Variants in FAM163A observed in about 807,000 individuals in gnomAD.
FAM163A encodes protein FAM163A.
Under a neutral mutation model 12.0 loss-of-function variants are expected in FAM163A, and 7 were observed. The observed-to-expected ratio is 0.58, with a 90% CI of 0.33 to 1.10. The LOEUF (loss-of-function observed/expected upper bound fraction) is 1.10, where lower values mean the gene tolerates loss of function less well. Ranked by LOEUF, FAM163A falls within the 50% of genes least tolerant of loss-of-function variation. The probability of loss-of-function intolerance (pLI) is 0.03; values close to 1 mark genes in which losing one functional copy is unlikely to be tolerated. For synonymous variants in FAM163A, 101 were observed against 91.0 expected, an observed-to-expected ratio of 1.11 and a Z score of -0.62; for missense variants, 202 against 218.6, an observed-to-expected ratio of 0.92 and a Z score of 0.48.
intron 1 of FAM163A, among the ~76,000 whole-genome samples, chr1:179,771,387 T>C (rs1273926851): frequency 6.6e-6 from 1 of 152,214 alleles, no homozygotes; most frequent in African/African-American, 2.4e-5. Context: ...TGAGGCGCCC[T>C]GTGAGAGCTG....
intron 1 of FAM163A, among the ~76,000 whole-genome samples, chr1:179,801,265 G>A (rs936214379): frequency 5.3e-5 from 8 of 151,938 alleles, no homozygotes; most frequent in Non-Finnish European, 8.8e-5. Flanking sequence ...ATTTTTAACT[G>A]GCAGGGAGAC....
At chr1:179,808,677 G>A (rs985959779) in intron 2 of FAM163A, among the ~76,000 whole-genome samples, 6 of 152,280 alleles carry the variant, frequency 3.9e-5, no homozygotes, top group Non-Finnish European at 7.4e-5. Context: ...TGCTGTTTTC[G>A]ATTGGTTAAA....
chr1:179,794,084 T>TG (rs2148269140), intron 1 of FAM163A, among the ~76,000 whole-genome samples: 1 of 152,320 alleles, frequency 6.6e-6, no homozygotes, highest in African/African-American at 2.4e-5. Context: ...GGCCAGGACT[T>TG]GCACAGGGCA....
At chr1:179,736,220 A>G in the FAM163A span, among the ~76,000 whole-genome samples, 1 of 152,204 alleles carries the variant, frequency 6.6e-6, no homozygotes, top group African/African-American at 2.4e-5. Context: ...CAGCGAAGAA[A>G]ACAATCAGTG....
At chr1:179,753,473 A>G (rs1429993291) in intron 1 of FAM163A, among the ~76,000 whole-genome samples, 1 of 152,214 alleles carries the variant, frequency 6.6e-6, no homozygotes, top group Non-Finnish European at 1.5e-5. Flanking sequence ...AAGCCAATGG[A>G]AAGGGCACAG....
At chr1:179,762,975 AT>A (rs1299475025) in intron 1 of FAM163A, among the ~76,000 whole-genome samples, 1 of 152,194 alleles carries the variant, frequency 6.6e-6, no homozygotes, top group African/African-American at 2.4e-5. Context: ...ACAAATAGAA[AT>A]TTGTCAACAT....
intron 2 of FAM163A, among the ~76,000 whole-genome samples, chr1:179,808,878 A>G (rs940900788): frequency 6.6e-6 from 1 of 152,164 alleles, no homozygotes; most frequent in Non-Finnish European, 1.5e-5. Flanking sequence ...AGTTGCAAAG[A>G]GACAATGAGC....
At chr1:179,760,397 A>G (rs1187605098) in intron 1 of FAM163A, among the ~76,000 whole-genome samples, 3 of 152,218 alleles carry the variant, frequency 2.0e-5, no homozygotes, top group Non-Finnish European at 4.4e-5. Flanking sequence ...CCGTGATTCT[A>G]TACGCATGAG....
intron 1 of FAM163A, among the ~76,000 whole-genome samples, chr1:179,803,156 ACTT>A (rs1037758930): frequency 3.3e-5 from 5 of 152,260 alleles, no homozygotes; most frequent in South Asian, 2.1e-4. Context: ...AGGGAAAAAA[ACTT>A]CTTCTCTGGG....
the FAM163A span, among the ~76,000 whole-genome samples, chr1:179,734,859 G>A: frequency 6.6e-6 from 1 of 152,164 alleles, no homozygotes; most frequent in Non-Finnish European, 1.5e-5. Context: ...AAATACATTG[G>A]AAGAAAGGAC....
intron 1 of FAM163A, among the ~76,000 whole-genome samples, chr1:179,744,897 T>G (rs2454195): frequency 0.62 from 94,195 of 152,128 alleles, 30,034 homozygotes; most frequent in African/African-American, 0.77. Context: ...AACTGCGGGC[T>G]TCAATCCCGC....
chr1:179,751,972 A>G (rs1442202760), intron 1 of FAM163A, among the ~76,000 whole-genome samples: 1 of 152,230 alleles, frequency 6.6e-6, no homozygotes, highest in Non-Finnish European at 1.5e-5. Flanking sequence ...TTCATATGGA[A>G]CCACAAAAGA....
intron 1 of FAM163A, among the ~76,000 whole-genome samples, chr1:179,782,939 A>G (rs1689998808): frequency 6.6e-6 from 1 of 152,074 alleles, no homozygotes; most frequent in African/African-American, 2.4e-5. Context: ...ATCCCAAACC[A>G]CTTGGATGGT....
the FAM163A span, among the ~76,000 whole-genome samples, chr1:179,730,906 G>A: frequency 2.0e-5 from 3 of 152,302 alleles, no homozygotes; most frequent in Admixed American, 1.3e-4. Flanking sequence ...ATTCTATCTG[G>A]TGCCCACAGC....
upstream of FAM163A, among the ~76,000 whole-genome samples, chr1:179,739,052 A>G (rs533384815): frequency 4.6e-5 from 7 of 152,284 alleles, no homozygotes; most frequent in East Asian, 5.8e-4. Flanking sequence ...AAAGGTGCAA[A>G]AGCAATTAAA....
At chr1:179,734,185 C>A in the FAM163A span, among the ~76,000 whole-genome samples, 1 of 152,122 alleles carries the variant, frequency 6.6e-6, no homozygotes, top group Non-Finnish European at 1.5e-5. Flanking sequence ...CTCAACAGAT[C>A]TTTTTTAAAC....
chr1:179,741,442 C>T (rs1683626783), upstream of FAM163A, among the ~76,000 whole-genome samples: 1 of 152,210 alleles, frequency 6.6e-6, no homozygotes, highest in Admixed American at 6.5e-5. Context: ...GGTATACATC[C>T]TAAAGATTGC....
intron 1 of FAM163A, among the ~76,000 whole-genome samples, chr1:179,764,404 A>G (rs1446475723): frequency 5.3e-5 from 8 of 152,178 alleles, no homozygotes. Flanking sequence ...AGTCTCGTGG[A>G]TAGACTTTGG....
intron 1 of FAM163A, among the ~76,000 whole-genome samples, chr1:179,774,858 C>T (rs1200059292): frequency 6.6e-6 from 1 of 152,074 alleles, no homozygotes; most frequent in African/African-American, 2.4e-5. Context: ...GGAGAGTTTC[C>T]CTGAGCCCCC....
Sources: allele counts gnomAD v4.1 joint callset (sites outside exome capture counted in the v4.1 genomes callset), GRCh38; gene constraint gnomAD v4.1.1; transcripts MANE v1.5; gene names NCBI Gene and HGNC (gene_info 2026-07-23, HGNC 2026-07-21).